FNIP1: variants seen among roughly 807,000 people sequenced by gnomAD.
The protein encoded by FNIP1 is folliculin-interacting protein 1.
A neutral mutation model predicts 124.5 loss-of-function variants in FNIP1; 40 were observed. The observed-to-expected ratio is 0.32, with a 90% CI of 0.25 to 0.42. The LOEUF (loss-of-function observed/expected upper bound fraction) is 0.42. Ranked by LOEUF, FNIP1 falls within the 10% of genes least tolerant of loss-of-function variation. The probability of loss-of-function intolerance (pLI) is 1.00; values close to 1 mark genes in which losing one functional copy is unlikely to be tolerated. For missense variants in FNIP1, 1,176 were observed against 1,403.7 expected (o/e 0.84, Z 2.59); for synonymous variants, 472 against 470.6 (o/e 1.00, Z -0.04).
Position 131,796,843 on chromosome 5 carries a change from C to A in FNIP1, c.79G>T (p.Asp27Tyr). 1 of 1,596,544 alleles carries A rather than the reference C, an allele frequency of 6.3e-7. No individual in the cohort carries two copies. Among genetic ancestry groups the A allele is most frequent in the Non-Finnish European group, 8.5e-7 (1 of 1,172,216 alleles). The change falls in exon 1 of 18, where the codon GAT becomes TAT. Residue 27 changes from aspartate to tyrosine, a missense_variant. By Grantham distance (160) the Asp-to-Tyr change is radical (BLOSUM62 -3). Around this residue, in one of 2 missense-constraint regions of FNIP1, gnomAD observed 1,109 missense variants for 1,288.5 expected, o/e 0.86. Transcript: ENST00000510461. ...ACAGCGCCCTACCTGAACCCGCAAT[C>A]TGGGTCCCGGGCGTCGCGGCCGGGC... is the stretch of plus-strand genomic sequence containing the variant. ...GAPGRDARDP[D>Y]CGFSWPLPEF... is the part of the protein sequence containing the mutation.
chr5:131,792,050 T>C (rs1772423460), intron 1 of FNIP1, among the ~76,000 whole-genome samples: 1 of 152,152 alleles, frequency 6.6e-6, no homozygotes, highest in Admixed American at 6.5e-5. Flanking sequence ...CCACATTAAG[T>C]TCTTTACATG....
At chr5:131,715,671 A>AAC (rs901523535) in intron 6 of FNIP1, among the ~76,000 whole-genome samples, 1 of 152,116 alleles carries the variant, frequency 6.6e-6, no homozygotes, top group African/African-American at 2.4e-5. Flanking sequence ...ATTTTTCTAT[A>AAC]ACACACACAC....
Position 131,671,859 on chromosome 5 carries a change from T to G in FNIP1, c.2585A>C (p.Asp862Ala). The change falls in exon 14 of 18, where the codon GAC becomes GCC. Residue 862 changes from aspartate (D) to alanine (A), a missense_variant. By Grantham distance (126) the Asp-to-Ala change is moderately radical. This residue lies in a region of FNIP1 where 1,109 missense variants were observed against 1,288.5 expected (regional missense o/e 0.86). Transcript: ENST00000510461. ...TGAAAACTCTAACATACAGCAATGG[T>G]CTTTACTATCTGTACTTGTTTTAAA... is the stretch of plus-strand genomic sequence containing the variant. ...VPFKTSTDSK[D>A]HCCMLEFSKI... The G allele has an allele frequency of 6.2e-7, 1 of 1,614,102 alleles. No homozygotes were observed. Among genetic ancestry groups the G allele is most frequent in the Non-Finnish European group, 8.5e-7 (1 of 1,180,002 alleles).
intron 1 of FNIP1, among the ~76,000 whole-genome samples, chr5:131,775,015 G>A (rs913566071): frequency 4.6e-5 from 7 of 152,198 alleles, no homozygotes; most frequent in South Asian, 4.1e-4. Flanking sequence ...ATATTGCTTC[G>A]GTATTAAGGT....
chr5:131,704,921 G>GA (rs974223338), intron 9 of FNIP1, among the ~76,000 whole-genome samples: 17 of 149,012 alleles, frequency 1.1e-4, no homozygotes, highest in Admixed American at 3.3e-4. Flanking sequence ...GTCAACAAAG[G>GA]AAAAAAAAAT....
At chr5:131,786,476 C>T (rs915833428) in intron 1 of FNIP1, among the ~76,000 whole-genome samples, 7 of 152,146 alleles carry the variant, frequency 4.6e-5, no homozygotes, top group Non-Finnish European at 8.8e-5. Context: ...ACAGATTATT[C>T]TCAAGAAACA....
At chr5:131,653,600 A>C (rs1320723800) in intron 15 of FNIP1, among the ~76,000 whole-genome samples, 1 of 152,226 alleles carries the variant, frequency 6.6e-6, no homozygotes, top group African/African-American at 2.4e-5. Context: ...TCTACATCTA[A>C]ATGAAAGTGT....
chr5:131,718,027 C>A (rs1021616964), intron 5 of FNIP1, among the ~76,000 whole-genome samples: 24 of 142,584 alleles, frequency 1.7e-4, no homozygotes, highest in African/African-American at 3.4e-4. Flanking sequence ...ACTAAAAATA[C>A]AAAAAAAAAA....
intron 11 of FNIP1, among the ~76,000 whole-genome samples, chr5:131,684,849 T>C (rs567683206): frequency 4.6e-5 from 7 of 152,268 alleles, no homozygotes; most frequent in Non-Finnish European, 8.8e-5. Flanking sequence ...AGAAAAGAAT[T>C]TGTCAATCCA....
chr5:131,681,851 G>A (rs1178713149), intron 11 of FNIP1, among the ~76,000 whole-genome samples: 2 of 150,608 alleles, frequency 1.3e-5, no homozygotes, highest in Non-Finnish European at 3.0e-5. Context: ...GAACATGATG[G>A]TGCTATAACA....
intron 11 of FNIP1, among the ~76,000 whole-genome samples, chr5:131,693,352 A>ATACATATATATATATATATATATATG (rs1768578294): frequency 7.3e-6 from 1 of 137,204 alleles, no homozygotes; most frequent in African/African-American, 2.7e-5. Flanking sequence ...ATATATATAT[A>ATACATATATATATATATATATATATG]TATATATATA....
In FNIP1 at chr5:131,735,502, A is replaced by G. The variant is rs369900670; in HGVS notation, c.220-4464T>C. 2.0e-5 allele frequency among the ~76,000 whole-genome samples: 3 copies of G among 148,028 alleles called. No individual in the cohort carries two copies. In the South Asian group the frequency reaches 6.3e-4, roughly 31 times the overall value. On this transcript the variant is annotated intron_variant, in intron 2 of 17. Coordinates refer to ENST00000510461, the MANE Select transcript of FNIP1 (RefSeq NM_133372.3). ...GTATATATGTATATATACGTATAAA[A>G]TATGTATATATACGTATATACATAT...
At chr5:131,686,402 T>A (rs1289731399) in intron 11 of FNIP1, among the ~76,000 whole-genome samples, 1 of 152,148 alleles carries the variant, frequency 6.6e-6, no homozygotes, top group Non-Finnish European at 1.5e-5. Context: ...TGAAGTGCAG[T>A]GGCACAATCA....
intron 13 of FNIP1, among the ~76,000 whole-genome samples, chr5:131,673,588 G>A (rs1199900259): frequency 6.6e-6 from 1 of 152,124 alleles, no homozygotes; most frequent in Non-Finnish European, 1.5e-5. Context: ...AGTACTGCCT[G>A]AAGTACTATG....
At chr5:131,724,877 A>G (rs898818987) in intron 3 of FNIP1, among the ~76,000 whole-genome samples, 2 of 152,132 alleles carry the variant, frequency 1.3e-5, no homozygotes, top group Admixed American at 6.6e-5. Flanking sequence ...TGATTTTTGT[A>G]TAAGGTGTAA....
At chr5:131,786,739 C>T (rs1199747652) in intron 1 of FNIP1, among the ~76,000 whole-genome samples, 2 of 152,156 alleles carry the variant, frequency 1.3e-5, no homozygotes, top group African/African-American at 4.8e-5. Flanking sequence ...GAGTTCAGCA[C>T]CCCCTTGCTC....
At chr5:131,693,305 T>TAC (rs1554094445) in intron 11 of FNIP1, among the ~76,000 whole-genome samples, 1 of 29,806 alleles carries the variant, frequency 3.4e-5, no homozygotes, top group Non-Finnish European at 8.5e-5. Context: ...TACATATATA[T>TAC]ATATATATAT....
intron 1 of FNIP1, among the ~76,000 whole-genome samples, chr5:131,752,578 A>G (rs547915362): frequency 4.6e-5 from 7 of 152,090 alleles, no homozygotes; most frequent in African/African-American, 1.7e-4. Context: ...TTGGAAGACA[A>G]TATTTGCAAT....
intron 11 of FNIP1, among the ~76,000 whole-genome samples, chr5:131,696,875 A>G (rs17171455): frequency 0.022 from 3,401 of 152,228 alleles, 137 homozygotes; most frequent in African/African-American, 0.076. Context: ...CCTAAACATT[A>G]TGATGCATAA....
Sources: allele counts gnomAD v4.1 joint callset (sites outside exome capture counted in the v4.1 genomes callset), GRCh38; gene constraint gnomAD v4.1.1; regional missense constraint gnomAD v4.1.1; transcripts MANE v1.5; gene names NCBI Gene and HGNC (gene_info 2026-07-23, HGNC 2026-07-21).